HPSE2: variants seen among roughly 807,000 people sequenced by gnomAD.
HPSE2 encodes the protein heparanase 2 (inactive).
In HPSE2, 38 loss-of-function variants were observed where a neutral mutation model predicts 60.5. That is an observed-to-expected ratio of 0.63 (90% confidence interval 0.48 to 0.82). The LOEUF is 0.82. Ranked by LOEUF, HPSE2 falls within the 40% of genes least tolerant of loss-of-function variation. The pLI is 0.00. For synonymous variants in HPSE2, 295 were observed against 293.2 expected (o/e 1.01, Z -0.06); for missense variants, 713 against 740.4 (o/e 0.96, Z 0.43).
At chr10:99,315,135 C>CT in the HPSE2 span, among the ~76,000 whole-genome samples, 1 of 152,304 alleles carries the variant, frequency 6.6e-6, no homozygotes, top group East Asian at 1.9e-4. Context: ...ATTAAATATG[C>CT]TTTAATGTTA....
At chr10:99,022,368 G>A (rs897265629) in intron 3 of HPSE2, among the ~76,000 whole-genome samples, 4 of 152,128 alleles carry the variant, frequency 2.6e-5, no homozygotes, top group African/African-American at 7.2e-5. Context: ...AACCTTGCCA[G>A]GGAGGGCTAC....
chr10:98,459,565 G>C lies in HPSE2; in HGVS notation c.*9C>G, dbSNP rs371322055. ...CAGGCCCACTGGTAGCCGTGAGTGT[G>C]AGGATAGCTTATCGGTAGCGGCAGG... On this transcript the variant is annotated 3_prime_UTR_variant, in exon 12 of 12. Coordinates refer to ENST00000370552, the MANE Select transcript of HPSE2 (RefSeq NM_021828.5). 1.2e-6 allele frequency: 2 copies of C among 1,614,042 alleles called. No individual in the cohort carries two copies. Among genetic ancestry groups the C allele is most frequent in the Non-Finnish European group, 8.5e-7 (1 of 1,179,946 alleles).
intron 3 of HPSE2, among the ~76,000 whole-genome samples, chr10:99,017,508 A>C (rs1330597234): frequency 1.3e-5 from 2 of 152,058 alleles, no homozygotes; most frequent in Non-Finnish European, 2.9e-5. Flanking sequence ...GATCTCTGCC[A>C]GGTTTTGGTA....
chr10:99,017,728 T>C (rs1298200122), intron 3 of HPSE2, among the ~76,000 whole-genome samples: 1 of 152,192 alleles, frequency 6.6e-6, no homozygotes, highest in Non-Finnish European at 1.5e-5. Context: ...TGGCTACCAT[T>C]AGGAGTTGGG....
chr10:98,963,262 A>G (rs1035883687), intron 3 of HPSE2, among the ~76,000 whole-genome samples: 1 of 152,194 alleles, frequency 6.6e-6, no homozygotes, highest in Non-Finnish European at 1.5e-5. Context: ...TTCAAATATA[A>G]TTGCAGAAAA....
chr10:99,088,061 C>T (rs1843386224), intron 3 of HPSE2, among the ~76,000 whole-genome samples: 1 of 151,588 alleles, frequency 6.6e-6, no homozygotes, highest in African/African-American at 2.4e-5. Flanking sequence ...GAAACACAGT[C>T]AACATGCTCA....
intron 3 of HPSE2, among the ~76,000 whole-genome samples, chr10:99,124,629 G>C (rs1480766546): frequency 6.6e-6 from 1 of 152,234 alleles, no homozygotes; most frequent in Non-Finnish European, 1.5e-5. Context: ...ACCCAGCCAG[G>C]TTGCAACAGT....
chr10:99,203,525 C>T (rs1589816587), intron 2 of HPSE2, among the ~76,000 whole-genome samples: 1 of 151,332 alleles, frequency 6.6e-6, no homozygotes, highest in South Asian at 2.1e-4. Flanking sequence ...TCCCTGCAGC[C>T]CCATACTTCA....
intron 9 of HPSE2, among the ~76,000 whole-genome samples, chr10:98,562,106 T>C (rs1353631481): frequency 6.6e-6 from 1 of 152,124 alleles, no homozygotes. Context: ...CTTTTCTATG[T>C]TTTGATATCT....
chr10:98,635,513 G>A (rs1465516583), intron 7 of HPSE2, among the ~76,000 whole-genome samples: 1 of 152,154 alleles, frequency 6.6e-6, no homozygotes, highest in Non-Finnish European at 1.5e-5. Context: ...AGGTGTGGTG[G>A]CTTAGGTATG....
At chr10:98,596,779 A>T (rs1306233486) in intron 9 of HPSE2, among the ~76,000 whole-genome samples, 1 of 152,066 alleles carries the variant, frequency 6.6e-6, no homozygotes, top group Non-Finnish European at 1.5e-5. Flanking sequence ...GCTTTCAATA[A>T]CTACTTTTTG....
At chr10:98,970,936 C>A (rs1379752191) in intron 3 of HPSE2, among the ~76,000 whole-genome samples, 1 of 151,984 alleles carries the variant, frequency 6.6e-6, no homozygotes, top group Admixed American at 6.6e-5. Context: ...TAAATAAAAC[C>A]AATAAAATAT....
chr10:99,182,128 T>C (rs1847802127), intron 2 of HPSE2, among the ~76,000 whole-genome samples: 1 of 152,238 alleles, frequency 6.6e-6, no homozygotes, highest in Non-Finnish European at 1.5e-5. Flanking sequence ...CTGTGGTATT[T>C]TGTTATGGTA....
chr10:99,107,017 T>C (rs1444781039), intron 3 of HPSE2, among the ~76,000 whole-genome samples: 1 of 152,006 alleles, frequency 6.6e-6, no homozygotes, highest in Non-Finnish European at 1.5e-5. Flanking sequence ...ACTACAGGTG[T>C]GCACCACCAT....
the HPSE2 span, among the ~76,000 whole-genome samples, chr10:99,265,036 T>C: frequency 1.1e-4 from 17 of 152,316 alleles, no homozygotes; most frequent in South Asian, 3.5e-3. Flanking sequence ...TCATATCCCC[T>C]GTGACCTGCA....
At chr10:99,023,916 C>T (rs1010262424) in intron 3 of HPSE2, among the ~76,000 whole-genome samples, 1 of 152,236 alleles carries the variant, frequency 6.6e-6, no homozygotes, top group East Asian at 1.9e-4. Context: ...AAATAACTAA[C>T]TCTTCACTGT....
At position 98,911,656 on chromosome 10, in the gene HPSE2, T is replaced by C. The variant is rs182717659; in HGVS notation, c.611-167600A>G. Among the ~76,000 whole-genome samples the C allele has an allele frequency of 1.9e-3, 294 of 152,230 alleles. 1 individual carries two copies. Among genetic ancestry groups the C allele is most frequent in the Non-Finnish European group, 3.6e-3 (247 of 68,012 alleles). ...AGGTAGGGGTCCAGCTATAACCCGGTTGAAACAAGCCAAGAAGGCTAGACT... is the reference window on the plus strand; with the variant it reads ...AGGTAGGGGTCCAGCTATAACCCGGCTGAAACAAGCCAAGAAGGCTAGACT... On this transcript the variant is annotated intron_variant, in intron 3 of 11. Transcript: ENST00000370552.
intron 7 of HPSE2, among the ~76,000 whole-genome samples, chr10:98,628,027 G>A (rs1233654654): frequency 1.3e-5 from 2 of 152,214 alleles, no homozygotes; most frequent in African/African-American, 4.8e-5. Flanking sequence ...TATACACAGT[G>A]AGGAACAACT....
intron 9 of HPSE2, among the ~76,000 whole-genome samples, chr10:98,559,502 C>G (rs1255091592): frequency 6.6e-6 from 1 of 152,184 alleles, no homozygotes; most frequent in Non-Finnish European, 1.5e-5. Context: ...CTCTCCTGAC[C>G]TGCGCTAGCA....
Sources: gnomAD v4.1 joint callset for allele counts (sites outside exome capture counted in the v4.1 genomes callset) on GRCh38, gnomAD v4.1.1 for gene constraint, MANE v1.5 for transcripts, NCBI Gene and HGNC (gene_info 2026-07-23, HGNC 2026-07-21) for gene names.